TRDN: variants seen among roughly 807,000 people sequenced by gnomAD.
TRDN encodes the protein triadin, also known as triadin in skeletal muscle.
Under a neutral mutation model 149.7 loss-of-function variants are expected in TRDN, and 161 were observed. The ratio of observed to expected loss-of-function variants is 1.08; its 90% confidence interval spans 0.95 to 1.23. The LOEUF is 1.23. Ranked by LOEUF, TRDN falls within the 50% of genes most tolerant of loss-of-function variation. The pLI is 0.00. For synonymous variants in TRDN, 294 were observed against 250.5 expected (o/e 1.17, Z -1.64); for missense variants, 896 against 823.5 (o/e 1.09, Z -1.08).
chr6:123,422,588 A>C (rs940630861), intron 12 of TRDN, among the ~76,000 whole-genome samples: 2 of 152,188 alleles, frequency 1.3e-5, no homozygotes, highest in Admixed American at 1.3e-4. Context: ...AATTTGGACT[A>C]AATTAATCAT....
At chr6:123,371,851 A>G (rs372790670) in intron 19 of TRDN, among the ~76,000 whole-genome samples, 3 of 152,120 alleles carry the variant, frequency 2.0e-5, no homozygotes, top group African/African-American at 7.2e-5. Flanking sequence ...TAAACCTCAT[A>G]AAATCATCAC....
rs369612285 is a variant in TRDN, at chr6:123,394,158, C to G, written c.1052-481G>C. Among the ~76,000 whole-genome samples the G allele has an allele frequency of 5.9e-5, 9 of 152,216 alleles. 2 individuals are homozygous for G. In the South Asian group the frequency reaches 1.9e-3, roughly 32 times the overall value. On this transcript the variant is annotated intron_variant, in intron 12 of 40. Coordinates refer to ENST00000334268, the MANE Select transcript of TRDN (RefSeq NM_006073.4). Reference sequence around the variant, plus strand: ...TGCCCTTCCCTAAACTGCAGTGGCACCAATCACTATTAGTGTGGCCCTGGG... The same window carrying G: ...TGCCCTTCCCTAAACTGCAGTGGCAGCAATCACTATTAGTGTGGCCCTGGG...
chr6:123,247,693 C>G (rs1159225481), intron 38 of TRDN, among the ~76,000 whole-genome samples: 1 of 152,096 alleles, frequency 6.6e-6, no homozygotes, highest in Non-Finnish European at 1.5e-5. Context: ...TTTATGGATT[C>G]AAAGCTATTC....
chr6:123,392,199 C>T (rs180862374), intron 13 of TRDN, among the ~76,000 whole-genome samples: 1 of 152,118 alleles, frequency 6.6e-6, no homozygotes, highest in African/African-American at 2.4e-5. Flanking sequence ...AAATGATAAG[C>T]TCTAAGGTTG....
At position 123,474,265 on chromosome 6, in the gene TRDN, A is replaced by G. The variant is rs543218034; in HGVS notation, c.854-9282T>C. ...GGAGGAAGATCTACCAAGCAAATGG[A>G]AAACAAAAAAAGGCAGGGATTGCAA... is the stretch of plus-strand genomic sequence containing the variant. On this transcript the variant is annotated intron_variant, in intron 9 of 40. Coordinates refer to ENST00000334268, the MANE Select transcript of TRDN (RefSeq NM_006073.4). Among the ~76,000 whole-genome samples, 1,212 of 152,240 alleles carry G rather than the reference A, an allele frequency of 8.0e-3. 23 individuals are homozygous for G. Among genetic ancestry groups the G allele is most frequent in the African/African-American group, 0.028 (1,157 of 41,516 alleles).
intron 2 of TRDN, among the ~76,000 whole-genome samples, chr6:123,564,893 C>T (rs1430624218): frequency 6.6e-6 from 1 of 152,160 alleles, no homozygotes; most frequent in Non-Finnish European, 1.5e-5. Flanking sequence ...GCTGGTACAA[C>T]CATGTAATGA....
intron 7 of TRDN, 48 bp downstream of exon 7, chr6:123,512,255 T>G (rs1317618993): frequency 8.9e-7 from 1 of 1,127,864 alleles, no homozygotes; most frequent in South Asian, 1.6e-5. Flanking sequence ...AATTAATCTT[T>G]CAGAGTAAAA....
intron 21 of TRDN, chr6:123,349,646 T>C: frequency 2.1e-6 from 2 of 943,048 alleles, no homozygotes; most frequent in Non-Finnish European, 2.5e-6. Flanking sequence ...TTTCTGTCTT[T>C]TTTTATAACT....
intron 24 of TRDN, among the ~76,000 whole-genome samples, chr6:123,286,904 C>T (rs1054694822): frequency 6.6e-6 from 1 of 152,014 alleles, no homozygotes; most frequent in Non-Finnish European, 1.5e-5. Context: ...CATTCCAGAC[C>T]TATCAAATCA....
intron 1 of TRDN, among the ~76,000 whole-genome samples, chr6:123,571,576 T>C (rs1422945097): frequency 1.3e-5 from 2 of 152,120 alleles, no homozygotes; most frequent in Non-Finnish European, 2.9e-5. Context: ...CTATATCCAG[T>C]ACCTCTTTTA....
intron 26 of TRDN, among the ~76,000 whole-genome samples, chr6:123,275,196 A>G (rs1777330412): frequency 6.6e-6 from 1 of 152,110 alleles, no homozygotes; most frequent in African/African-American, 2.4e-5. Flanking sequence ...AGTACCTAAG[A>G]ATGTAACCTT....
chr6:123,265,368 ATG>A, intron 32 of TRDN, 30 bp from the exon 33 acceptor site: 1 of 1,369,968 alleles, frequency 7.3e-7, no homozygotes, highest in Non-Finnish European at 9.8e-7. Flanking sequence ...AAAAAAGAAA[ATG>A]AGTGATAATT....
intron 10 of TRDN, among the ~76,000 whole-genome samples, chr6:123,458,468 A>G (rs1425160714): frequency 6.6e-6 from 1 of 152,176 alleles, no homozygotes; most frequent in African/African-American, 2.4e-5. Flanking sequence ...CCCAAGGAGG[A>G]AGGAAGTCTT....
chr6:123,581,297 C>T (rs995955035), intron 1 of TRDN, among the ~76,000 whole-genome samples: 1 of 152,176 alleles, frequency 6.6e-6, no homozygotes, highest in Non-Finnish European at 1.5e-5. Flanking sequence ...CTGAACTCTA[C>T]TCTTCTTACT....
At chr6:123,358,743 A>C (rs1335560520) in intron 20 of TRDN, among the ~76,000 whole-genome samples, 1 of 152,118 alleles carries the variant, frequency 6.6e-6, no homozygotes, top group Non-Finnish European at 1.5e-5. Context: ...TCGGCCTCCC[A>C]AAGCACTGGG....
intron 1 of TRDN, among the ~76,000 whole-genome samples, chr6:123,572,971 A>C (rs1478738985): frequency 6.6e-6 from 1 of 152,106 alleles, no homozygotes; most frequent in Admixed American, 6.6e-5. Flanking sequence ...TGTGTCCAAT[A>C]ATAATTGAAA....
rs904511303 is a variant in TRDN, at chr6:123,259,677, A to G, written c.1832-15T>C. 13 of 1,449,786 alleles carry G rather than the reference A, an allele frequency of 9.0e-6. No individual in the cohort carries two copies. In the African/African-American group the frequency reaches 1.6e-4, roughly 18 times the overall value. 89.8% of individuals were successfully genotyped at this position (1,449,786 alleles called of 1,614,324 possible). On this transcript the variant is annotated splice_polypyrimidine_tract_variant and intron_variant, in intron 34 of 40. Transcript: ENST00000334268. Reference sequence around the variant, plus strand: ...TTTCTTCTTTCCTAGGGGAAAGAAAAACAACAAGAAACCATCATTTTAAAA... The same window carrying G: ...TTTCTTCTTTCCTAGGGGAAAGAAAGACAACAAGAAACCATCATTTTAAAA...
chr6:123,457,641 T>C (rs1210773661), intron 10 of TRDN: 1 of 422,658 alleles, frequency 2.4e-6, no homozygotes, highest in African/African-American at 2.1e-5. Context: ...TATTAATACT[T>C]ACCTACTTTT....
At chr6:123,542,409 A>C (rs780607295) in intron 4 of TRDN, among the ~76,000 whole-genome samples, 7 of 152,222 alleles carry the variant, frequency 4.6e-5, no homozygotes, top group Non-Finnish European at 7.3e-5. Context: ...CAAAAAACTA[A>C]ATATGCATAA....
Sources: gnomAD v4.1 joint callset for allele counts (sites outside exome capture counted in the v4.1 genomes callset) on GRCh38, gnomAD v4.1.1 for gene constraint, MANE v1.5 for transcripts, NCBI Gene and HGNC (gene_info 2026-07-23, HGNC 2026-07-21) for gene names.